Variants in AGBL1 observed in about 807,000 individuals in gnomAD.
AGBL1 encodes AGBL carboxypeptidase 1, also known as cytosolic carboxypeptidase 4.
AGBL1 carries 130 observed loss-of-function variants against 118.9 expected under a neutral mutation model. The ratio of observed to expected loss-of-function variants is 1.09; its 90% CI spans 0.95 to 1.26. The LOEUF is 1.26. AGBL1 is among the 50% of genes most tolerant of loss of function. The pLI is 0.00. For synonymous variants in AGBL1, 555 were observed against 478.9 expected (o/e 1.16, Z -2.08); for missense variants, 1,584 against 1,298.1 (o/e 1.22, Z -3.38).
chr15:86,751,190 G>A (rs1474648113), intron 22 of AGBL1, among the ~76,000 whole-genome samples: 1 of 152,064 alleles, frequency 6.6e-6, no homozygotes, highest in Non-Finnish European at 1.5e-5. Context: ...GGTCTTTGAG[G>A]AATCACCACA....
intron 18 of AGBL1, among the ~76,000 whole-genome samples, chr15:86,508,138 G>C (rs920706679): frequency 1.3e-5 from 2 of 151,340 alleles, no homozygotes; most frequent in Non-Finnish European, 2.9e-5. Context: ...TGGCCAGGAT[G>C]ATCTCGATCT....
At chr15:86,410,690 T>A (rs1209158428) in intron 18 of AGBL1, among the ~76,000 whole-genome samples, 1 of 149,302 alleles carries the variant, frequency 6.7e-6, no homozygotes, top group Non-Finnish European at 1.5e-5. Flanking sequence ...GGCCAAACAG[T>A]CTTAATAATC....
chr15:87,017,071 C>A (rs1037623481), intron 24 of AGBL1, among the ~76,000 whole-genome samples: 5 of 152,070 alleles, frequency 3.3e-5, no homozygotes, highest in African/African-American at 1.2e-4. Context: ...CAATACCTCA[C>A]AAGTTAAGAC....
intron 22 of AGBL1, among the ~76,000 whole-genome samples, chr15:86,882,675 A>AT (rs2079912847): frequency 6.6e-6 from 1 of 152,062 alleles, no homozygotes; most frequent in Non-Finnish European, 1.5e-5. Context: ...AGTTGGCATT[A>AT]TTTTTCTGGA....
chr15:86,578,450 G>A lies in AGBL1; in HGVS notation c.2994+23913G>A, dbSNP rs189340980. ...CTTGCCTTGTCTCAGATGAGACTTC[G>A]GACTGTGGACTTTTGAGTTAATGCA... On this transcript the variant is annotated intron_variant, in intron 21 of 22. Transcript: ENST00000614907. Among the ~76,000 whole-genome samples the A allele has an allele frequency of 8.8e-4, 133 of 151,906 alleles. 1 individual carries two copies. Among genetic ancestry groups the A allele is most frequent in the Middle Eastern group, 3.4e-3 (1 of 294 alleles).
downstream of AGBL1, among the ~76,000 whole-genome samples, chr15:86,917,282 C>T (rs1207330077): frequency 2.6e-5 from 4 of 152,196 alleles, no homozygotes; most frequent in Non-Finnish European, 5.9e-5. This position sits in a 1 kb window ranked among gnomAD's most constrained non-coding sequence, Gnocchi z 4.8. Flanking sequence ...CTTTCACAGT[C>T]CCTCTCCTGT....
chr15:86,772,152 C>A (rs1273512774), intron 22 of AGBL1, among the ~76,000 whole-genome samples: 1 of 151,962 alleles, frequency 6.6e-6, no homozygotes, highest in South Asian at 2.1e-4. Flanking sequence ...CTTGGGAAAC[C>A]ACCTCTCCTC....
chr15:86,209,315 G>A (rs572946935), intron 5 of AGBL1, among the ~76,000 whole-genome samples: 3 of 152,298 alleles, frequency 2.0e-5, no homozygotes, highest in East Asian at 1.9e-4. Flanking sequence ...GGAGAGTTCT[G>A]TAGATGTCTA....
intron 18 of AGBL1, among the ~76,000 whole-genome samples, chr15:86,410,878 T>TTATATATAATATTATA: frequency 1.3e-5 from 1 of 79,552 alleles, no homozygotes; most frequent in Admixed American, 1.9e-4. Context: ...ATAATATATA[T>TTATATATAATATTATA]TATAATATAT....
chr15:86,775,720 A>T (rs2078246198), intron 22 of AGBL1, among the ~76,000 whole-genome samples: 1 of 152,220 alleles, frequency 6.6e-6, no homozygotes, highest in African/African-American at 2.4e-5. Flanking sequence ...ATGCCAGAAG[A>T]TTTTTTCCAA....
At chr15:86,251,811 A>G (rs575719252) in intron 7 of AGBL1, among the ~76,000 whole-genome samples, 33 of 125,564 alleles carry the variant, frequency 2.6e-4, no homozygotes, top group African/African-American at 1.3e-3. Flanking sequence ...GACAATTTGA[A>G]TGCAAGATTG....
chr15:86,754,477 GT>G (rs1255707756), intron 22 of AGBL1, among the ~76,000 whole-genome samples: 2 of 152,088 alleles, frequency 1.3e-5, no homozygotes, highest in Non-Finnish European at 2.9e-5. Context: ...AGGATTGAGA[GT>G]TGTGCATGGT....
At chr15:86,227,803 CAT>C (rs1170035996) in intron 6 of AGBL1, among the ~76,000 whole-genome samples, 3 of 152,218 alleles carry the variant, frequency 2.0e-5, no homozygotes, top group Non-Finnish European at 4.4e-5. Context: ...GGCAGAATGT[CAT>C]TGTGAGCATT....
intron 17 of AGBL1, among the ~76,000 whole-genome samples, chr15:86,367,917 G>A (rs74692744): frequency 0.034 from 5,158 of 152,224 alleles, 123 homozygotes; most frequent in Non-Finnish European, 0.053. Flanking sequence ...AGAAGGAGAC[G>A]TGGTAGCTAG....
intron 1 of AGBL1, among the ~76,000 whole-genome samples, chr15:86,137,046 C>G (rs911897712): frequency 1.3e-5 from 2 of 152,256 alleles, no homozygotes; most frequent in East Asian, 3.9e-4. Context: ...TCTTTAACTG[C>G]TCATTTATTA....
chr15:86,571,255 C>T (rs1244842154), intron 21 of AGBL1, among the ~76,000 whole-genome samples: 2 of 152,180 alleles, frequency 1.3e-5, no homozygotes, highest in African/African-American at 4.8e-5. Flanking sequence ...GCTCTTCACT[C>T]CCAACATGGC....
intron 17 of AGBL1, among the ~76,000 whole-genome samples, chr15:86,393,920 C>T (rs1270440679): frequency 1.3e-5 from 2 of 152,102 alleles, no homozygotes; most frequent in Admixed American, 6.6e-5. Context: ...TCAGTTGTCC[C>T]TTCCACATGT....
At chr15:86,160,595 C>G (rs533139079) in intron 5 of AGBL1, among the ~76,000 whole-genome samples, 1 of 152,314 alleles carries the variant, frequency 6.6e-6, no homozygotes, top group Non-Finnish European at 1.5e-5. Context: ...CTGCTGACAT[C>G]TGCAGTCTCA....
intron 23 of AGBL1, among the ~76,000 whole-genome samples, chr15:86,937,807 T>G (rs12595220): frequency 0.44 from 66,697 of 152,022 alleles, 17,127 homozygotes; most frequent in Non-Finnish European, 0.57. Context: ...AAATAAAAGT[T>G]AAAACAAAAG....
Sources: allele counts gnomAD v4.1 joint callset (sites outside exome capture counted in the v4.1 genomes callset), GRCh38; gene constraint gnomAD v4.1.1; non-coding constraint Gnocchi (gnomAD v3.1); transcripts MANE v1.5; gene names NCBI Gene and HGNC (gene_info 2026-07-23, HGNC 2026-07-21).